The following NCEH1 variants were observed in gnomAD, a reference collection of about 807,000 sequenced individuals.
The protein encoded by NCEH1 is 2-acetyl MAGE hydrolase.
Under a neutral mutation model 25.4 loss-of-function variants are expected in NCEH1, and 9 were observed. The observed-to-expected ratio is 0.35, with a 90% confidence interval of 0.21 to 0.62. NCEH1 has a LOEUF of 0.62. NCEH1 is among the 20% of genes least tolerant of loss of function. The pLI is 0.72. For synonymous variants in NCEH1, 200 were observed against 199.8 expected (o/e 1.00, Z -0.01); for missense variants, 412 against 501.1 (o/e 0.82, Z 1.70).
intron 1 of NCEH1, among the ~76,000 whole-genome samples, chr3:172,695,876 A>G (rs1713338652): frequency 6.6e-6 from 1 of 152,026 alleles, no homozygotes; most frequent in Non-Finnish European, 1.5e-5. Context: ...CCTAGGAGGC[A>G]GAGGTTGCAA....
chr3:172,658,223 C>T (rs1193390501), intron 1 of NCEH1, among the ~76,000 whole-genome samples: 1 of 152,172 alleles, frequency 6.6e-6, no homozygotes, highest in Non-Finnish European at 1.5e-5. Context: ...AATGCCACCG[C>T]AACATCAGGA....
chr3:172,653,464 C>T (rs1717509647), intron 1 of NCEH1, among the ~76,000 whole-genome samples: 1 of 152,142 alleles, frequency 6.6e-6, no homozygotes, highest in Non-Finnish European at 1.5e-5. Flanking sequence ...TCATCTGAAA[C>T]TTAGAGTAAT....
At chr3:172,691,799 T>G (rs1310266233) in intron 1 of NCEH1, among the ~76,000 whole-genome samples, 1 of 152,204 alleles carries the variant, frequency 6.6e-6, no homozygotes, top group Non-Finnish European at 1.5e-5. Flanking sequence ...AATACAAAAA[T>G]TAGCCGGGCG....
intron 2 of NCEH1, among the ~76,000 whole-genome samples, chr3:172,646,033 C>T (rs1717105570): frequency 6.6e-6 from 1 of 152,080 alleles, no homozygotes; most frequent in Non-Finnish European, 1.5e-5. Context: ...AAAATCACAG[C>T]AAATAAGCAG....
chr3:172,647,541 G>A (rs1027235261), intron 2 of NCEH1, among the ~76,000 whole-genome samples: 2 of 152,178 alleles, frequency 1.3e-5, no homozygotes, highest in Non-Finnish European at 2.9e-5. Context: ...ACTTCACCTT[G>A]TTTTGGTGCA....
At chr3:172,661,050 G>A (rs929992785) in intron 1 of NCEH1, among the ~76,000 whole-genome samples, 3 of 152,166 alleles carry the variant, frequency 2.0e-5, no homozygotes, top group Non-Finnish European at 2.9e-5. Flanking sequence ...CCTTGCCCAT[G>A]CCTATGTCCC....
At chr3:172,675,390 C>T (rs1711936277) in intron 1 of NCEH1, among the ~76,000 whole-genome samples, 1 of 151,352 alleles carries the variant, frequency 6.6e-6, no homozygotes, top group Non-Finnish European at 1.5e-5. Context: ...CTCATGTATA[C>T]CTATGTAACA....
chr3:172,707,455 G>A (rs559650628), intron 1 of NCEH1, among the ~76,000 whole-genome samples: 2 of 152,274 alleles, frequency 1.3e-5, no homozygotes, highest in East Asian at 1.9e-4. Context: ...CCAGCAACAC[G>A]TATGCAATAT....
At chr3:172,662,249 T>C (rs990299222) in intron 1 of NCEH1, among the ~76,000 whole-genome samples, 3 of 152,260 alleles carry the variant, frequency 2.0e-5, no homozygotes, top group African/African-American at 7.2e-5. Flanking sequence ...TCTTTGGTTC[T>C]GTTTATAAGA....
chr3:172,637,091 T>G (rs910655674), intron 3 of NCEH1, among the ~76,000 whole-genome samples: 9 of 152,144 alleles, frequency 5.9e-5, no homozygotes, highest in Non-Finnish European at 1.2e-4. Flanking sequence ...ATGAAAATTA[T>G]CATATGTTTT....
At chr3:172,687,094 G>A (rs1712741612) in intron 1 of NCEH1, among the ~76,000 whole-genome samples, 1 of 152,166 alleles carries the variant, frequency 6.6e-6, no homozygotes, top group South Asian at 2.1e-4. Flanking sequence ...TTTCACTGAT[G>A]AGAGATAGCC....
At chr3:172,651,668 C>T (rs920728123) in intron 1 of NCEH1, among the ~76,000 whole-genome samples, 8 of 151,708 alleles carry the variant, frequency 5.3e-5, no homozygotes, top group Non-Finnish European at 1.2e-4. Flanking sequence ...AAGCTATTCT[C>T]GTGCCTTAGC....
At chr3:172,653,754 T>G (rs1378448048) in intron 1 of NCEH1, among the ~76,000 whole-genome samples, 4 of 55,450 alleles carry the variant, frequency 7.2e-5, no homozygotes, top group African/African-American at 2.1e-4. Flanking sequence ...GTTTTTTTGT[T>G]TTTTTGTTTT....
In NCEH1 at chr3:172,639,427, T is replaced by G. The variant is rs538023718; in HGVS notation, c.438-3340A>C. Among the ~76,000 whole-genome samples the G allele has an allele frequency of 1.6e-4, 24 of 152,224 alleles. 1 individual carries two copies. In the South Asian group the frequency reaches 4.6e-3, roughly 29 times the overall value. On this transcript the variant is annotated intron_variant, in intron 3 of 4. Coordinates refer to ENST00000475381, the MANE Select transcript of NCEH1 (RefSeq NM_020792.6). Reference sequence around the variant, plus strand: ...TTCACCTAAGAAGTATATCAAAATTTTGTAATATCTAGACACAGAAAGCCA... The same window carrying G: ...TTCACCTAAGAAGTATATCAAAATTGTGTAATATCTAGACACAGAAAGCCA...
intron 3 of NCEH1, among the ~76,000 whole-genome samples, chr3:172,644,847 A>G (rs1717041295): frequency 6.6e-6 from 1 of 152,220 alleles, no homozygotes; most frequent in Admixed American, 6.5e-5. Context: ...ATTACAATAA[A>G]CATAATAAGT....
At chr3:172,660,848 G>A (rs1280827207) in intron 1 of NCEH1, among the ~76,000 whole-genome samples, 1 of 152,170 alleles carries the variant, frequency 6.6e-6, no homozygotes, top group Non-Finnish European at 1.5e-5. Flanking sequence ...ATTTGTTTAA[G>A]TTCTTTGTAG....
At chr3:172,671,662 C>T (rs1210030015) in intron 1 of NCEH1, among the ~76,000 whole-genome samples, 1 of 151,880 alleles carries the variant, frequency 6.6e-6, no homozygotes, top group Admixed American at 6.6e-5. Flanking sequence ...CACACATGCA[C>T]ACAGGCACAC....
intron 1 of NCEH1, among the ~76,000 whole-genome samples, chr3:172,660,431 AACAT>A (rs1015966415): frequency 6.6e-6 from 1 of 152,202 alleles, no homozygotes; most frequent in Non-Finnish European, 1.5e-5. Flanking sequence ...TGCCACAATA[AACAT>A]ACATGTGCAT....
chr3:172,677,221 G>C (rs974526016), intron 1 of NCEH1, among the ~76,000 whole-genome samples: 1 of 152,176 alleles, frequency 6.6e-6, no homozygotes, highest in Non-Finnish European at 1.5e-5. Flanking sequence ...CAGAAGTTGG[G>C]TTAATCTTCT....
Sources: allele counts gnomAD v4.1 joint callset (sites outside exome capture counted in the v4.1 genomes callset), GRCh38; gene constraint gnomAD v4.1.1; transcripts MANE v1.5; gene names NCBI Gene and HGNC (gene_info 2026-07-23, HGNC 2026-07-21).